Variants in CADM2 observed in about 807,000 individuals in gnomAD.
The protein encoded by CADM2 is immunoglobulin superfamily member 4D.
In CADM2, 12 loss-of-function variants were observed where a neutral mutation model predicts 49.8. The observed-to-expected ratio is 0.24, with a 90% CI of 0.15 to 0.39. The LOEUF is 0.39. Ranked by LOEUF, CADM2 falls within the 10% of genes least tolerant of loss-of-function variation. CADM2 has a pLI of 1.00. For missense variants in CADM2, 378 were observed against 492.3 expected, an observed-to-expected ratio of 0.77 and a Z score of 2.20; for synonymous variants, 214 against 175.4, an observed-to-expected ratio of 1.22 and a Z score of -1.74.
At chr3:85,675,334 T>C (rs1430052872) in intron 1 of CADM2, among the ~76,000 whole-genome samples, 2 of 152,198 alleles carry the variant, frequency 1.3e-5, no homozygotes, top group Non-Finnish European at 2.9e-5. Flanking sequence ...ATTTAATTTT[T>C]CAAATATTAA....
chr3:85,062,863 A>G (rs2036385534), intron 1 of CADM2, among the ~76,000 whole-genome samples: 1 of 151,922 alleles, frequency 6.6e-6, no homozygotes, highest in East Asian at 1.9e-4. Context: ...CATATCAGAA[A>G]TACACAAATA....
intron 1 of CADM2, among the ~76,000 whole-genome samples, chr3:85,142,075 C>T (rs1490345299): frequency 1.3e-5 from 2 of 152,216 alleles, no homozygotes; most frequent in Non-Finnish European, 2.9e-5. Flanking sequence ...AGTTACACCT[C>T]ACTTCAAAGT....
chr3:85,183,451 A>T (rs933544200), intron 1 of CADM2, among the ~76,000 whole-genome samples: 4 of 152,130 alleles, frequency 2.6e-5, no homozygotes, highest in African/African-American at 9.6e-5. Flanking sequence ...AAAACACGCA[A>T]TATGTTCCAT....
chr3:85,215,490 TC>T (rs2041902925), intron 1 of CADM2, among the ~76,000 whole-genome samples: 1 of 151,572 alleles, frequency 6.6e-6, no homozygotes, highest in Admixed American at 6.6e-5. Flanking sequence ...TCTCCTCTCC[TC>T]AAACAGAGGG....
At chr3:85,201,925 A>T (rs145224514) in intron 1 of CADM2, among the ~76,000 whole-genome samples, 25 of 152,112 alleles carry the variant, frequency 1.6e-4, no homozygotes, top group African/African-American at 5.8e-4. Context: ...TACTAAAAAT[A>T]CAAAAATTCG....
chr3:85,564,537 C>T (rs2062198650), intron 1 of CADM2, among the ~76,000 whole-genome samples: 1 of 151,968 alleles, frequency 6.6e-6, no homozygotes, highest in African/African-American at 2.4e-5. Flanking sequence ...AATAAAATCT[C>T]TCTTTTACAC....
intron 1 of CADM2, among the ~76,000 whole-genome samples, chr3:85,527,899 G>A (rs2061204719): frequency 6.6e-6 from 1 of 152,066 alleles, no homozygotes; most frequent in Non-Finnish European, 1.5e-5. Context: ...CTTTTAGTAT[G>A]ACCTTTCTTT....
intron 3 of CADM2, among the ~76,000 whole-genome samples, chr3:85,862,042 A>T (rs1374952941): frequency 2.0e-5 from 3 of 152,110 alleles, no homozygotes; most frequent in Non-Finnish European, 4.4e-5. Context: ...ATCGTGAATA[A>T]AAAATTATTT....
At chr3:85,707,336 C>T (rs1420823102) in intron 1 of CADM2, among the ~76,000 whole-genome samples, 1 of 149,998 alleles carries the variant, frequency 6.7e-6, no homozygotes, top group Non-Finnish European at 1.5e-5. Flanking sequence ...TTGTAGATTA[C>T]CACTATTTTC....
chr3:86,014,495 T>C, intron 8 of CADM2: 1 of 1,532,240 alleles, frequency 6.5e-7, no homozygotes, highest in Admixed American at 2.0e-5. Flanking sequence ...TGAAACTCCC[T>C]GGAAAATACC....
intron 1 of CADM2, 155 bp from the exon 2 acceptor site, chr3:85,726,367 A>G: frequency 1.3e-6 from 1 of 782,434 alleles, no homozygotes; most frequent in South Asian, 1.6e-5. Flanking sequence ...ACTAAATGTA[A>G]CAATAGTCAT....
chr3:85,320,603 A>G (rs2044574168), intron 1 of CADM2, among the ~76,000 whole-genome samples: 1 of 152,140 alleles, frequency 6.6e-6, no homozygotes, highest in Non-Finnish European at 1.5e-5. Context: ...GCTCTCTCCA[A>G]TTTCAGAATT....
intron 1 of CADM2, among the ~76,000 whole-genome samples, chr3:85,601,043 T>C (rs1307485576): frequency 6.7e-6 from 1 of 149,238 alleles, no homozygotes; most frequent in African/African-American, 2.4e-5. Context: ...TATATTCATA[T>C]ACATACCTAT....
intron 1 of CADM2, among the ~76,000 whole-genome samples, chr3:85,423,306 C>T (rs146594475): frequency 2.5e-3 from 375 of 151,988 alleles, no homozygotes; most frequent in African/African-American, 7.4e-3. Context: ...GGTGGTGGTG[C>T]GTGGTGAGCC....
chr3:86,039,607 C>T (rs544948728), intron 8 of CADM2, among the ~76,000 whole-genome samples: 5 of 152,180 alleles, frequency 3.3e-5, no homozygotes, highest in Admixed American at 3.3e-4. Context: ...GGGTGGAGCC[C>T]ACTGCAGCTC....
chr3:85,239,268 CT>C (rs2042476445), intron 1 of CADM2, among the ~76,000 whole-genome samples: 1 of 151,766 alleles, frequency 6.6e-6, no homozygotes, highest in Non-Finnish European at 1.5e-5. Flanking sequence ...ATGCCGATGT[CT>C]TTTGACAGAG....
chr3:85,718,148 A>C (rs886220737), intron 1 of CADM2, among the ~76,000 whole-genome samples: 16 of 152,172 alleles, frequency 1.1e-4, no homozygotes, highest in Non-Finnish European at 2.9e-5. Context: ...ACATATTCTG[A>C]AGTGTGTATA....
intron 1 of CADM2, among the ~76,000 whole-genome samples, chr3:85,682,642 A>C (rs181433618): frequency 1.1e-4 from 16 of 152,178 alleles, no homozygotes; most frequent in Admixed American, 2.0e-4. Context: ...ATACAGTAAA[A>C]ATGGCAAGAA....
chr3:85,376,488 A>C, intron 1 of CADM2, among the ~76,000 whole-genome samples: 1 of 152,126 alleles, frequency 6.6e-6, no homozygotes, highest in East Asian at 1.9e-4. Context: ...AAAAGCTCTT[A>C]AAACTAAGCC....
Sources: gnomAD v4.1 joint callset for allele counts (sites outside exome capture counted in the v4.1 genomes callset) on GRCh38, gnomAD v4.1.1 for gene constraint, MANE v1.5 for transcripts, NCBI Gene and HGNC (gene_info 2026-07-23, HGNC 2026-07-21) for gene names.